Variants in MIA2 observed in about 807,000 individuals in gnomAD.
MIA2 encodes MIA SH3 domain ER export factor 2.
In MIA2, 127 loss-of-function variants were observed where a neutral mutation model predicts 167.8. The ratio of observed to expected loss-of-function variants is 0.76; its 90% CI spans 0.66 to 0.88. The LOEUF (loss-of-function observed/expected upper bound fraction) is 0.88, where lower values mean the gene tolerates loss of function less well. Ranked by LOEUF, MIA2 falls within the 40% of genes least tolerant of loss-of-function variation. MIA2 has a pLI of 0.00. For missense variants in MIA2, 1,690 were observed against 1,624.7 expected (o/e 1.04, Z -0.69); for synonymous variants, 552 against 541.9 (o/e 1.02, Z -0.26).
chr14:39,267,048 C>T, intron 6 of MIA2: 1 of 1,040,510 alleles, frequency 9.6e-7, no homozygotes, highest in Non-Finnish European at 1.2e-6. Flanking sequence ...AGGTAGAGCG[C>T]CGGCCCCTTT....
intron 6 of MIA2, among the ~76,000 whole-genome samples, chr14:39,273,471 G>A (rs1013747023): frequency 6.6e-6 from 1 of 151,996 alleles, no homozygotes; most frequent in African/African-American, 2.4e-5. Flanking sequence ...TCCCACCTCG[G>A]CCTTCTGAGT....
intron 9 of MIA2, among the ~76,000 whole-genome samples, chr14:39,281,433 A>G (rs767867211): frequency 9.2e-5 from 14 of 152,068 alleles, no homozygotes; most frequent in South Asian, 2.1e-4. Context: ...CATGTTGCCA[A>G]TAGTTTTCAC....
chr14:39,347,445 C>G, intron 26 of MIA2: 1 of 421,482 alleles, frequency 2.4e-6, no homozygotes, highest in Non-Finnish European at 4.2e-6. Context: ...GATGCTTCCT[C>G]CCAGATGTCT....
intron 25 of MIA2, among the ~76,000 whole-genome samples, chr14:39,335,300 A>G (rs958223774): frequency 2.6e-4 from 39 of 152,190 alleles, no homozygotes; most frequent in African/African-American, 8.9e-4. Context: ...AAGTTTCTGA[A>G]GAATATGGAT....
chr14:39,326,631 A>C (rs1347017963), intron 24 of MIA2, among the ~76,000 whole-genome samples: 1 of 148,600 alleles, frequency 6.7e-6, no homozygotes. Context: ...TATTTATTTT[A>C]AATATTTTAT....
intron 23 of MIA2, among the ~76,000 whole-genome samples, chr14:39,365,983 G>T (rs528991000): frequency 1.3e-5 from 2 of 152,282 alleles, no homozygotes; most frequent in South Asian, 4.1e-4. Context: ...TGTAGGGCCA[G>T]ACTTTTTCCT....
At chr14:39,343,330 A>G (rs928915114) in intron 25 of MIA2, among the ~76,000 whole-genome samples, 3 of 152,064 alleles carry the variant, frequency 2.0e-5, no homozygotes, top group African/African-American at 7.2e-5. Flanking sequence ...TGTTTTCAGT[A>G]GAGATGGGAT....
intron 6 of MIA2, among the ~76,000 whole-genome samples, chr14:39,272,729 C>T (rs572636623): frequency 4.6e-5 from 7 of 152,326 alleles, no homozygotes; most frequent in Admixed American, 3.3e-4. Flanking sequence ...CACCACTGCA[C>T]TCCAGCCTGG....
chr14:39,296,999 A>G (rs2061517505), intron 13 of MIA2, among the ~76,000 whole-genome samples: 1 of 139,704 alleles, frequency 7.2e-6, no homozygotes, highest in South Asian at 2.3e-4. Flanking sequence ...CTGGTCTTGA[A>G]CTCCTGACCT....
intron 19 of MIA2, 22 bp downstream of exon 19, chr14:39,313,463 T>C: frequency 7.0e-7 from 1 of 1,424,898 alleles, no homozygotes; most frequent in South Asian, 1.4e-5. Flanking sequence ...ATTTTTCTGG[T>C]TTCTTTTTTG....
chr14:39,240,560 G>A lies in MIA2; in HGVS notation c.250-1G>A. The stretch of plus-strand genomic sequence containing the variant: ...ATAATCTTTGTTCTTCATTTTGACA[G>A]AAAGGAAAGGAGTTTGGATATTTTC... On this transcript the variant is annotated splice_acceptor_variant, in intron 2 of 28. Transcript: ENST00000640607. LOFTEE classifies it high-confidence loss of function. The A allele has an allele frequency of 1.9e-6, 3 of 1,605,584 alleles. No individual in the cohort carries two copies. The highest frequency in any genetic ancestry group is 1.7e-6 in the Non-Finnish European group (2 of 1,173,430).
intron 17 of MIA2, among the ~76,000 whole-genome samples, chr14:39,305,470 C>T (rs1014318748): frequency 6.6e-6 from 1 of 152,168 alleles, no homozygotes. Context: ...AGACCTATGT[C>T]TCCTTGTACT....
At position 39,304,359 on chromosome 14, in the gene MIA2, TAAAAC is replaced by T. The variant is rs1355974453; in HGVS notation, c.2860_2864del (p.Thr954GlyfsTer8). 4 of 1,568,744 alleles carry T rather than the reference TAAAAC, an allele frequency of 2.5e-6. No individual in the cohort carries two copies. Among genetic ancestry groups the T allele is most frequent in the African/African-American group, 1.4e-5 (1 of 72,856 alleles). ...TTTATATTCAGTTGTCTGAAGTTGA[TAAAAC>T]AAAGGAAGAGCTTACAGGTAGGTCA... On this transcript the variant is annotated frameshift_variant, in exon 17 of 29. Transcript: ENST00000640607. LOFTEE classifies it high-confidence loss of function.
At chr14:39,241,999 T>C (rs2054065572) in intron 3 of MIA2, among the ~76,000 whole-genome samples, 1 of 152,182 alleles carries the variant, frequency 6.6e-6, no homozygotes, top group African/African-American at 2.4e-5. Context: ...CCCAAATACT[T>C]CACTTGGCTA....
At chr14:39,357,435 C>G (rs1035581074) in intron 23 of MIA2, among the ~76,000 whole-genome samples, 1 of 152,042 alleles carries the variant, frequency 6.6e-6, no homozygotes, top group Non-Finnish European at 1.5e-5. Context: ...TTATTTTGAG[C>G]CTATGTATGT....
At chr14:39,257,112 G>A (rs1272091069) in intron 6 of MIA2, among the ~76,000 whole-genome samples, 1 of 152,160 alleles carries the variant, frequency 6.6e-6, no homozygotes, top group Non-Finnish European at 1.5e-5. Context: ...GCTTGGTCCA[G>A]AGCTGAGTTG....
intron 23 of MIA2, chr14:39,370,658 G>C (rs780881132): frequency 6.8e-6 from 2 of 294,972 alleles, no homozygotes; most frequent in African/African-American, 4.5e-5. Flanking sequence ...TCTGTCGCAC[G>C]TGCTGCATGC....
Position 39,266,888 on chromosome 14 carries a change from C to T in MIA2, c.1888-10046C>T, listed in dbSNP as rs956327656. ...ACGCCTCTAGGAGAAGTCTCGCCGC[C>T]GCCGCCACCGCGGCCGCCCGAGGCG... is the stretch of plus-strand genomic sequence containing the variant. On this transcript the variant is annotated intron_variant, in intron 6 of 28. Transcript: ENST00000640607. The T allele has an allele frequency of 5.6e-6, 4 of 714,036 alleles. No homozygotes were observed. The African/African-American group carries it at 7.7e-5, about 14-fold the overall frequency. 44.2% of individuals were successfully genotyped at this position (714,036 alleles called of 1,614,324 possible).
Position 39,252,548 on chromosome 14 carries a change from C to G in MIA2, c.1568-200C>G, listed in dbSNP as rs531145693. Among the ~76,000 whole-genome samples, 118 of 152,226 alleles carry G rather than the reference C, an allele frequency of 7.8e-4. 1 individual carries two copies. Among genetic ancestry groups the G allele is most frequent in the Non-Finnish European group, 1.3e-3 (86 of 68,004 alleles). On this transcript the variant is annotated intron_variant, in intron 4 of 28. Coordinates refer to ENST00000640607, the MANE Select transcript of MIA2 (RefSeq NM_001329214.4). ...AGAGGATACATTTGCATTGTTTAAA[C>G]CACTAAGTTTTGGTAATTTATCTTA...
Sources: allele counts gnomAD v4.1 joint callset (sites outside exome capture counted in the v4.1 genomes callset), GRCh38; gene constraint gnomAD v4.1.1; transcripts MANE v1.5; gene names NCBI Gene and HGNC (gene_info 2026-07-23, HGNC 2026-07-21).